Variants in IL21R observed in about 807,000 individuals in gnomAD.
IL21R encodes interleukin 21 receptor.
In IL21R, 14 loss-of-function variants were observed where a neutral mutation model predicts 41.3. The ratio of observed to expected loss-of-function variants is 0.34; its 90% CI spans 0.22 to 0.53. IL21R has a LOEUF of 0.53. Among genes scored for constraint, IL21R ranks in the 20% least tolerant of loss-of-function variants. The probability of loss-of-function intolerance (pLI) is 0.94; values close to 1 mark genes in which losing one functional copy is unlikely to be tolerated. For missense variants in IL21R, 588 were observed against 681.6 expected, an observed-to-expected ratio of 0.86 and a Z score of 1.53; for synonymous variants, 286 against 287.6, an observed-to-expected ratio of 0.99 and a Z score of 0.05.
At position 27,445,292 on chromosome 16, in the gene IL21R, G is replaced by A. The variant is rs963154; in HGVS notation, c.785+16G>A. On this transcript the variant is annotated intron_variant, in intron 7 of 8. Transcript: ENST00000337929. ...CATTGTGGAGGTGAGGCCAGGGGATGAGGAAGGCAGGGAGGTGGTCAGCCT... is the reference window on the plus strand; with the variant it reads ...CATTGTGGAGGTGAGGCCAGGGGATAAGGAAGGCAGGGAGGTGGTCAGCCT... 2.5e-6 allele frequency: 4 copies of A among 1,579,950 alleles called. No individual in the cohort carries two copies. The highest frequency in any genetic ancestry group is 3.5e-6 in the Non-Finnish European group (4 of 1,149,864).
chr16:27,413,259 A>G (rs2086846792), intron 1 of IL21R, among the ~76,000 whole-genome samples: 1 of 152,076 alleles, frequency 6.6e-6, no homozygotes, highest in African/African-American at 2.4e-5. Flanking sequence ...AATTTCATGT[A>G]TTACATTTAT....
At chr16:27,440,248 T>TATATAGAGAGAGAG (rs1352160946) in intron 4 of IL21R, among the ~76,000 whole-genome samples, 81 of 64,028 alleles carry the variant, frequency 1.3e-3, no homozygotes, top group African/African-American at 2.5e-3. Flanking sequence ...TATATATATA[T>TATATAGAGAGAGAG]AGAGAGAGAG....
rs779223620 is a variant in IL21R, at chr16:27,446,002, C to T, written c.786-5C>T. 3.7e-6 allele frequency: 6 copies of T among 1,610,690 alleles called. No individual in the cohort carries two copies. Among genetic ancestry groups the T allele is most frequent in the Admixed American group, 1.7e-5 (1 of 59,584 alleles). Reference sequence around the variant, plus strand: ...CAGGGTCCTCACCCCTCTCTGCCCCCTCAGGCTATGGAAGAAGATATGGGC... The same window carrying T: ...CAGGGTCCTCACCCCTCTCTGCCCCTTCAGGCTATGGAAGAAGATATGGGC... On this transcript the variant is annotated splice_region_variant and splice_polypyrimidine_tract_variant and intron_variant, in intron 7 of 8. Coordinates refer to ENST00000337929, the MANE Select transcript of IL21R (RefSeq NM_181078.3).
Position 27,428,164 on chromosome 16 carries a change from C to T in IL21R, c.-16-1892C>T, listed in dbSNP as rs2087108977. Reference sequence around the variant, plus strand: ...GTGTTTATGTGATGGGGGCCATCTGCAGGGTTTTATGCAAATCACCTCCTT... The same window carrying T: ...GTGTTTATGTGATGGGGGCCATCTGTAGGGTTTTATGCAAATCACCTCCTT... On this transcript the variant is annotated intron_variant, in intron 1 of 8. Coordinates refer to ENST00000337929, the MANE Select transcript of IL21R (RefSeq NM_181078.3). Among the ~76,000 whole-genome samples the T allele has an allele frequency of 2.0e-5, 3 of 151,524 alleles. No individual in the cohort carries two copies. The South Asian group carries it at 6.3e-4, about 32-fold the overall frequency.
chr16:27,427,386 G>C (rs1195750667), intron 1 of IL21R: 1 of 928,396 alleles, frequency 1.1e-6, no homozygotes, highest in Admixed American at 6.2e-5. Context: ...GGGATGAGGA[G>C]TTTTTTGTTT....
At chr16:27,420,470 C>G (rs1360657407) in intron 1 of IL21R, among the ~76,000 whole-genome samples, 1 of 152,230 alleles carries the variant, frequency 6.6e-6, no homozygotes, top group Non-Finnish European at 1.5e-5. Flanking sequence ...CCCCCTCATT[C>G]ACACTTGTGA....
intron 4 of IL21R, chr16:27,442,753 A>G (rs2087412085): frequency 2.2e-6 from 1 of 461,910 alleles, no homozygotes; most frequent in African/African-American, 2.0e-5. Context: ...TCAGGTCTAA[A>G]TCTCCCAGGT....
At chr16:27,428,598 A>T (rs1053037430) in intron 1 of IL21R, among the ~76,000 whole-genome samples, 1 of 152,232 alleles carries the variant, frequency 6.6e-6, no homozygotes, top group African/African-American at 2.4e-5. Context: ...CCTCAAACAG[A>T]CACAGAGCTG....
chr16:27,414,189 T>TGA (rs1555495613), intron 1 of IL21R, among the ~76,000 whole-genome samples: 107 of 151,828 alleles, frequency 7.0e-4, no homozygotes, highest in African/African-American at 2.4e-3. Context: ...TGTGTGTGTG[T>TGA]GATCGTAATT....
At chr16:27,434,749 T>C (rs1331419050) in intron 3 of IL21R, among the ~76,000 whole-genome samples, 4 of 152,090 alleles carry the variant, frequency 2.6e-5, no homozygotes, top group Non-Finnish European at 5.9e-5. Flanking sequence ...CCATGAATGG[T>C]CACCCCCAAC....
At chr16:27,440,616 G>C (rs570225344) in intron 4 of IL21R, among the ~76,000 whole-genome samples, 7 of 152,286 alleles carry the variant, frequency 4.6e-5, no homozygotes, top group African/African-American at 1.7e-4. Flanking sequence ...GCCCCAGGCT[G>C]TGTTCTAGGA....
intron 1 of IL21R, among the ~76,000 whole-genome samples, chr16:27,405,196 C>T (rs898861828): frequency 6.6e-6 from 1 of 151,980 alleles, no homozygotes; most frequent in Non-Finnish European, 1.5e-5. Flanking sequence ...CCACACCTGG[C>T]TAATTTTTGT....
In IL21R at chr16:27,442,815, C is replaced by T. The variant is rs116418961; in HGVS notation, c.353-147C>T. The T allele has an allele frequency of 3.8e-3, 2,529 of 669,982 alleles. 55 individuals are homozygous for T. In the African/African-American group the frequency reaches 0.041, roughly 11 times the overall value. 41.5% of individuals were successfully genotyped at this position (669,982 alleles called of 1,614,324 possible). On this transcript the variant is annotated intron_variant, in intron 4 of 8. Coordinates refer to ENST00000337929, the MANE Select transcript of IL21R (RefSeq NM_181078.3). Reference sequence around the variant, plus strand: ...GTTGGGAGTACTTTGCCCAAAGTCACTCAGGGTTGTTGGTCTTCATCTCAT... The same window carrying T: ...GTTGGGAGTACTTTGCCCAAAGTCATTCAGGGTTGTTGGTCTTCATCTCAT...
intron 1 of IL21R, chr16:27,427,427 A>C (rs1596579516): frequency 2.2e-5 from 14 of 646,214 alleles, no homozygotes; most frequent in Non-Finnish European, 2.7e-5. Flanking sequence ...ACAGGGTCTC[A>C]CTCTTTCATT....
rs375253984 is a variant in IL21R at position 27,450,345 on chromosome 16, C to T, written c.*1062C>T. ...AGCAGGCCATGGCTCATGGGACCCA[C>T]CCCCCGTGGCACTCATGGAGGGGGC... On this transcript the variant is annotated 3_prime_UTR_variant, in exon 9 of 9. Transcript: ENST00000337929. The T allele has an allele frequency of 2.5e-4, 58 of 230,916 alleles. 1 individual carries two copies. Among genetic ancestry groups the T allele is most frequent in the African/African-American group, 1.1e-3 (52 of 45,304 alleles). The allele number at this position is 230,916 out of a possible 1,614,324, so 14.3% of individuals were successfully genotyped here.
At chr16:27,441,643 G>A (rs375821473) in intron 4 of IL21R, among the ~76,000 whole-genome samples, 1 of 152,200 alleles carries the variant, frequency 6.6e-6, no homozygotes, top group Non-Finnish European at 1.5e-5. Flanking sequence ...CCATCATTTA[G>A]AACAGAAATG....
At chr16:27,439,240 A>C (rs2087329486) in intron 4 of IL21R, among the ~76,000 whole-genome samples, 1 of 152,030 alleles carries the variant, frequency 6.6e-6, no homozygotes, top group Non-Finnish European at 1.5e-5. Flanking sequence ...ACACAGACTC[A>C]TAGATGCGCC....
At chr16:27,438,804 A>C (rs2087319090) in intron 4 of IL21R, among the ~76,000 whole-genome samples, 1 of 152,218 alleles carries the variant, frequency 6.6e-6, no homozygotes, top group Non-Finnish European at 1.5e-5. Flanking sequence ...TGGGAGACAG[A>C]GGTTGCAATG....
chr16:27,439,758 C>T (rs982550682), intron 4 of IL21R, among the ~76,000 whole-genome samples: 1 of 152,204 alleles, frequency 6.6e-6, no homozygotes, highest in Non-Finnish European at 1.5e-5. Flanking sequence ...CCCTCCCTGC[C>T]AGGATCTGCA....
Sources: gnomAD v4.1 joint callset for allele counts (sites outside exome capture counted in the v4.1 genomes callset) on GRCh38, gnomAD v4.1.1 for gene constraint, MANE v1.5 for transcripts, NCBI Gene and HGNC (gene_info 2026-07-23, HGNC 2026-07-21) for gene names.